The following TMBIM6 variants were observed in gnomAD, a reference collection of about 807,000 sequenced individuals.
TMBIM6 encodes the protein transmembrane BAX inhibitor motif containing 6.
A neutral mutation model predicts 31.4 loss-of-function variants in TMBIM6; 13 were observed. The ratio of observed to expected loss-of-function variants is 0.41; its 90% CI spans 0.27 to 0.66. The LOEUF (loss-of-function observed/expected upper bound fraction) is 0.66, where lower values mean the gene tolerates loss of function less well. Ranked by LOEUF, TMBIM6 falls within the 30% of genes least tolerant of loss-of-function variation. The pLI is 0.28. For missense variants in TMBIM6, 275 were observed against 289.5 expected (o/e 0.95, Z 0.36); for synonymous variants, 85 against 101.7 (o/e 0.84, Z 0.99).
chr12:49,745,847 T>C (rs1236402859), intron 1 of TMBIM6, among the ~76,000 whole-genome samples: 1 of 152,182 alleles, frequency 6.6e-6, no homozygotes, highest in East Asian at 1.9e-4. Context: ...TTAGATAGTT[T>C]TGCCCAACTT....
At chr12:49,744,393 A>G (rs1470533409) in intron 1 of TMBIM6, 1 of 151,916 alleles carries the variant, frequency 6.6e-6, no homozygotes, top group Non-Finnish European at 1.5e-5. Flanking sequence ...GTCTTCTACC[A>G]CTCTGTTTTG....
At position 49,752,433 on chromosome 12, in the gene TMBIM6, T is replaced by G. The variant is rs1945511384; in HGVS notation, c.-30-31T>G. 2.0e-6 allele frequency: 3 copies of G among 1,517,140 alleles called. No individual in the cohort carries two copies. In the South Asian group the frequency reaches 3.5e-5, roughly 18 times the overall value. 94.0% of individuals were successfully genotyped at this position (1,517,140 alleles called of 1,614,324 possible). On this transcript the variant is annotated intron_variant, in intron 1 of 9. Coordinates refer to ENST00000267115, the MANE Select transcript of TMBIM6 (RefSeq NM_003217.3). ...AGCTGTTCGTGTGATTCTGTATGAC[T>G]TAATGACTCTAACCTTTCTTTATTC...
intron 1 of TMBIM6, among the ~76,000 whole-genome samples, chr12:49,743,739 G>A (rs1179371296): frequency 6.6e-6 from 1 of 152,080 alleles, no homozygotes; most frequent in African/African-American, 2.4e-5. Flanking sequence ...TGAAACTTTT[G>A]AAAGCTTATA....
chr12:49,755,172 G>A (rs1945565624), intron 3 of TMBIM6, among the ~76,000 whole-genome samples: 1 of 152,008 alleles, frequency 6.6e-6, no homozygotes. Context: ...GGTCAGGCTG[G>A]TCTCGAACTC....
chr12:49,749,078 A>G (rs1945447182), intron 1 of TMBIM6, among the ~76,000 whole-genome samples: 1 of 152,208 alleles, frequency 6.6e-6, no homozygotes, highest in South Asian at 2.1e-4. Flanking sequence ...CTGAGTTTGC[A>G]TATCGGCCAT....
intron 1 of TMBIM6, among the ~76,000 whole-genome samples, chr12:49,748,725 A>T (rs1472915076): frequency 6.6e-6 from 1 of 152,198 alleles, no homozygotes; most frequent in Admixed American, 6.5e-5. Flanking sequence ...TCCAGGAGGC[A>T]CTATCCACAT....
rs1366547548 is a variant in TMBIM6 at position 49,763,976 on chromosome 12, A to G, written c.*1080A>G. On this transcript the variant is annotated 3_prime_UTR_variant, in exon 10 of 10. Transcript: ENST00000267115. Reference sequence around the variant, plus strand: ...CTTCAGTGCATTTTAGTCTGTCTCCAACTGGACACCAGTAGGTAGTGTCAA... The same window carrying G: ...CTTCAGTGCATTTTAGTCTGTCTCCGACTGGACACCAGTAGGTAGTGTCAA... 6.6e-6 allele frequency: 1 copy of G among 152,252 alleles called. No individual in the cohort carries two copies. Among genetic ancestry groups the G allele is most frequent in the Non-Finnish European group, 1.5e-5 (1 of 68,056 alleles). The allele number at this position is 152,252 out of a possible 1,614,324, so 9.4% of individuals were successfully genotyped here. A position where few individuals can be genotyped will look rare whatever the true frequency, so the allele number is the denominator to read the frequency against.
At chr12:49,742,913 CT>C (rs1443875812) in intron 1 of TMBIM6, among the ~76,000 whole-genome samples, 1 of 151,568 alleles carries the variant, frequency 6.6e-6, no homozygotes, top group Non-Finnish European at 1.5e-5. Context: ...ACAATCTGTA[CT>C]TTTGATCCAT....
chr12:49,756,440 CTTT>C (rs1194535783), intron 4 of TMBIM6, among the ~76,000 whole-genome samples: 5 of 105,822 alleles, frequency 4.7e-5, no homozygotes, highest in Admixed American at 1.0e-4. Context: ...TGCCTCCTGG[CTTT>C]TTTTTTTTTT....
chr12:49,750,260 T>C (rs1368095814), intron 1 of TMBIM6, among the ~76,000 whole-genome samples: 9 of 152,216 alleles, frequency 5.9e-5, no homozygotes, highest in Non-Finnish European at 4.4e-5. Flanking sequence ...TACATGAGCA[T>C]TGCCTCTTTC....
At chr12:49,747,869 G>A (rs1449885805) in intron 1 of TMBIM6, among the ~76,000 whole-genome samples, 1 of 152,020 alleles carries the variant, frequency 6.6e-6, no homozygotes, top group Non-Finnish European at 1.5e-5. Flanking sequence ...CTAGGTGTGT[G>A]GGAATAGGAC....
chr12:49,763,053 A>G lies in TMBIM6; in HGVS notation c.*157A>G. 1.2e-6 allele frequency: 1 copy of G among 803,334 alleles called. No homozygotes were observed. The highest frequency in any genetic ancestry group is 2.0e-6 in the Non-Finnish European group (1 of 510,902). The allele number at this position is 803,334 out of a possible 1,614,324, so 49.8% of individuals were successfully genotyped here. On this transcript the variant is annotated 3_prime_UTR_variant, in exon 10 of 10. Coordinates refer to ENST00000267115, the MANE Select transcript of TMBIM6 (RefSeq NM_003217.3). ...TCTATTTTGAATTTTTTGATCAAAAAACTGATTAGCAGAATATAGTTTGGA... is the reference window on the plus strand; with the variant it reads ...TCTATTTTGAATTTTTTGATCAAAAGACTGATTAGCAGAATATAGTTTGGA...
intron 1 of TMBIM6, chr12:49,742,140 T>C (rs1178630763): frequency 1.2e-6 from 2 of 1,611,154 alleles, no homozygotes; most frequent in Non-Finnish European, 1.7e-6. Flanking sequence ...GCGGGTGATG[T>C]CACACTCCTC....
At chr12:49,743,399 T>TAA (rs1945334803) in intron 1 of TMBIM6, 1 of 151,946 alleles carries the variant, frequency 6.6e-6, no homozygotes, top group Non-Finnish European at 1.5e-5. Flanking sequence ...CATGCCCAGC[T>TAA]AATTTTTGTA....
Position 49,758,910 on chromosome 12 carries a change from C to T in TMBIM6, c.513+148C>T. Reference sequence around the variant, plus strand: ...TCCTTCATAGGATGGAGCCTTCTGCCACAAGTGAAAACAGGCTGCACAAGG... The same window carrying T: ...TCCTTCATAGGATGGAGCCTTCTGCTACAAGTGAAAACAGGCTGCACAAGG... On this transcript the variant is annotated intron_variant, in intron 7 of 9. Transcript: ENST00000267115. The T allele has an allele frequency of 4.0e-6, 3 of 744,564 alleles. No individual in the cohort carries two copies. In the South Asian group the frequency reaches 5.5e-5, roughly 14 times the overall value. 46.1% of individuals were successfully genotyped at this position (744,564 alleles called of 1,614,324 possible).
rs764355578 is a variant in TMBIM6 at position 49,752,517 on chromosome 12, C to T, written c.24C>T (p.Ile8=). The T allele has an allele frequency of 4.3e-6, 7 of 1,613,376 alleles. No individual in the cohort carries two copies. The South Asian group carries it at 7.7e-5, about 18-fold the overall frequency. MNIFDRK[I]NFDALLKFSH... is the part of the protein sequence containing the mutation. ...CCATGAACATATTTGATCGAAAGAT[C>T]AACTTTGATGCGCTTTTAAAATTTT... Residue 8 remains isoleucine (I), a synonymous_variant, in exon 2 of 10, where the codon ATC becomes ATT. Transcript: ENST00000267115.
intron 1 of TMBIM6, among the ~76,000 whole-genome samples, chr12:49,743,769 CT>C (rs1474331951): frequency 6.6e-6 from 1 of 152,098 alleles, no homozygotes; most frequent in Non-Finnish European, 1.5e-5. Flanking sequence ...GCTTATTTTT[CT>C]ACTGTAGGAT....
chr12:49,744,349 C>T (rs1945351992), intron 1 of TMBIM6: 1 of 152,040 alleles, frequency 6.6e-6, no homozygotes, highest in Non-Finnish European at 1.5e-5. Flanking sequence ...TTTTCCTTTA[C>T]TACTTTGACC....
chr12:49,741,903 C>T, intron 1 of TMBIM6: 1 of 628,820 alleles, frequency 1.6e-6, no homozygotes, highest in East Asian at 3.3e-5. Flanking sequence ...GGCGAAGGCC[C>T]CTTCTCAGCC....
Sources: gnomAD v4.1 joint callset for allele counts (sites outside exome capture counted in the v4.1 genomes callset) on GRCh38, gnomAD v4.1.1 for gene constraint, MANE v1.5 for transcripts, NCBI Gene and HGNC (gene_info 2026-07-23, HGNC 2026-07-21) for gene names.